POLR2M: variants seen among roughly 807,000 people sequenced by gnomAD.
POLR2M encodes the protein RNA polymerase II subunit M, also known as protein GRINL1A.
Under a neutral mutation model 34.6 loss-of-function variants are expected in POLR2M, and 30 were observed. The observed-to-expected ratio is 0.87, with a 90% CI of 0.65 to 1.18. The LOEUF (loss-of-function observed/expected upper bound fraction) is 1.18. Ranked by LOEUF, POLR2M falls within the 50% of genes most tolerant of loss-of-function variation. The pLI, the probability that POLR2M is intolerant of heterozygous loss-of-function variation, is 0.00. For missense variants in POLR2M, 432 were observed against 448.7 expected (o/e 0.96, Z 0.34); for synonymous variants, 150 against 166.7 (o/e 0.90, Z 0.77).
Position 57,717,087 on chromosome 15 carries a change from G to C in POLR2M, c.*2408G>C, listed in dbSNP as rs1269307197. On this transcript the variant is annotated 3_prime_UTR_variant, in exon 4 of 4. Coordinates refer to ENST00000299638, the MANE Select transcript of POLR2M (RefSeq NM_015532.5). ...TTTATTTCGAAGAATTTACCAATTG[G>C]TTCAGTATGTGAAACCACCATTTCC... is the stretch of plus-strand genomic sequence containing the variant. 6.6e-6 allele frequency: 1 copy of C among 152,090 alleles called. No individual in the cohort carries two copies. The highest frequency in any genetic ancestry group is 1.5e-5 in the Non-Finnish European group (1 of 67,990). The allele number at this position is 152,090 out of a possible 1,614,324, so 9.4% of individuals were successfully genotyped here. A position where few individuals can be genotyped will look rare whatever the true frequency, so the allele number is the denominator to read the frequency against.
In POLR2M at chr15:57,712,097, C is replaced by T. The variant is rs1323216977; in HGVS notation, c.872C>T (p.Ala291Val). Reference sequence around the variant, plus strand: ...CAGCATCTTGATGACATCACAGCAGCTCGGCTTCTACCACTTCACCATATG... The same window carrying T: ...CAGCATCTTGATGACATCACAGCAGTTCGGCTTCTACCACTTCACCATATG... ...DKQHLDDITA[A>V]RLLPLHHMPT... The change falls in exon 3 of 4, where the codon GCT becomes GTT. Residue 291 changes from alanine to valine, a missense_variant. Transcript: ENST00000299638. 3 of 1,614,126 alleles carry T rather than the reference C, an allele frequency of 1.9e-6. No homozygotes were observed. In the South Asian group the frequency reaches 3.3e-5, roughly 18 times the overall value.
chr15:57,707,457 T>C (rs28412380), intron 1 of POLR2M: 1 of 575,480 alleles, frequency 1.7e-6, no homozygotes, highest in Non-Finnish European at 3.3e-6. Context: ...AAAGTGATTT[T>C]GTTTTTTAGG....
chr15:57,707,660 A>G (rs2040549032), intron 1 of POLR2M: 1 of 387,666 alleles, frequency 2.6e-6, no homozygotes, highest in Admixed American at 3.2e-5. Flanking sequence ...TCCAATCTAT[A>G]TGGAAGACCA....
rs1277803271 is a variant in POLR2M, at chr15:57,714,906, A to G, written c.*227A>G. On this transcript the variant is annotated 3_prime_UTR_variant, in exon 4 of 4. Coordinates refer to ENST00000299638, the MANE Select transcript of POLR2M (RefSeq NM_015532.5). ...AACCACATGGTATTAAAATTTTGCA[A>G]TATATTGTGTATTGGTCTGATATTT... 9.2e-6 allele frequency: 6 copies of G among 649,020 alleles called. No individual in the cohort carries two copies. Among genetic ancestry groups the G allele is most frequent in the African/African-American group, 3.7e-5 (2 of 54,316 alleles). 40.2% of individuals were successfully genotyped at this position (649,020 alleles called of 1,614,324 possible).
chr15:57,713,468 C>T (rs1302973118), intron 3 of POLR2M, among the ~76,000 whole-genome samples: 2 of 151,934 alleles, frequency 1.3e-5, no homozygotes, highest in African/African-American at 2.4e-5. Flanking sequence ...GGTAATAGCT[C>T]CCACTTTTAC....
In POLR2M at chr15:57,714,734, C is replaced by G. The variant is rs183106279; in HGVS notation, c.*55C>G. ...ATGTCATCATCTTACATCAGACTTT[C>G]TAACTAGTATCAAGATCAGTGTCAG... On this transcript the variant is annotated 3_prime_UTR_variant, in exon 4 of 4. Transcript: ENST00000299638. The G allele has an allele frequency of 2.7e-5, 42 of 1,581,218 alleles. 1 individual carries two copies. The highest frequency in any genetic ancestry group is 1.6e-4 in the African/African-American group (12 of 73,164).
Position 57,712,190 on chromosome 15 carries a change from T to C in POLR2M, c.963+2T>C. 6.2e-7 allele frequency: 1 copy of C among 1,613,698 alleles called. No individual in the cohort carries two copies. ...AAACAGCAGAAACAGAATTATGAGG[T>C]ATTTAGAGTATTTTTTTTCTTGTCT... On this transcript the variant is annotated splice_donor_variant, in intron 3 of 3. Coordinates refer to ENST00000299638, the MANE Select transcript of POLR2M (RefSeq NM_015532.5). LOFTEE classifies it high-confidence loss of function.
chr15:57,707,075 C>T (rs1294496568), intron 1 of POLR2M, 120 bp downstream of exon 1: 8 of 1,551,460 alleles, frequency 5.2e-6, no homozygotes, highest in Non-Finnish European at 7.0e-6. Flanking sequence ...CAGTCACATT[C>T]GCTTCAGTCC....
chr15:57,707,488 T>G (rs1028578450), intron 1 of POLR2M: 9 of 517,566 alleles, frequency 1.7e-5, no homozygotes, highest in Admixed American at 9.0e-5. Flanking sequence ...CAGCAGCTTG[T>G]TGCAAAAGAT....
intron 2 of POLR2M, among the ~76,000 whole-genome samples, chr15:57,710,384 C>T (rs1256127678): frequency 3.3e-5 from 5 of 152,206 alleles, no homozygotes; most frequent in African/African-American, 1.2e-4. Flanking sequence ...TATGTAACAT[C>T]AAAGTTAAAT....
intron 3 of POLR2M, among the ~76,000 whole-genome samples, chr15:57,714,021 G>T (rs2040847375): frequency 6.6e-6 from 1 of 151,388 alleles, no homozygotes; most frequent in South Asian, 2.1e-4. Flanking sequence ...CTAATTTTTT[G>T]TATATTTAGT....
At chr15:57,707,013 GCTCCC>G in intron 1 of POLR2M, 58 bp downstream of exon 1, 1 of 1,552,076 alleles carries the variant, frequency 6.4e-7, no homozygotes, top group Non-Finnish European at 8.7e-7. Context: ...CTCCCTGGGC[GCTCCC>G]CTCCCCTCCC....
At chr15:57,707,759 A>T (rs1393083922) in intron 1 of POLR2M, among the ~76,000 whole-genome samples, 3 of 152,244 alleles carry the variant, frequency 2.0e-5, no homozygotes, top group African/African-American at 4.8e-5. Flanking sequence ...AGCAGGACAG[A>T]CATTTGGTTA....
In POLR2M at chr15:57,716,188, C is replaced by T. The variant is rs1413462614; in HGVS notation, c.*1509C>T. The T allele has an allele frequency of 1.3e-5, 2 of 152,234 alleles. No homozygotes were observed. Among genetic ancestry groups the T allele is most frequent in the Non-Finnish European group, 2.9e-5 (2 of 68,036 alleles). 9.4% of individuals were successfully genotyped at this position (152,234 alleles called of 1,614,324 possible). Reference sequence around the variant, plus strand: ...TTCTCAAAAATGAAATCATAATGTACATTGCTTTGTAGTCTGCTCTATATA... The same window carrying T: ...TTCTCAAAAATGAAATCATAATGTATATTGCTTTGTAGTCTGCTCTATATA... On this transcript the variant is annotated 3_prime_UTR_variant, in exon 4 of 4. Coordinates refer to ENST00000299638, the MANE Select transcript of POLR2M (RefSeq NM_015532.5).
rs1345156953 is a variant in POLR2M, at chr15:57,717,135, T to G, written c.*2456T>G. 2 of 152,220 alleles carry G rather than the reference T, an allele frequency of 1.3e-5. No homozygotes were observed. The highest frequency in any genetic ancestry group is 4.8e-5 in the African/African-American group (2 of 41,454). The allele number at this position is 152,220 out of a possible 1,614,324, so 9.4% of individuals were successfully genotyped here. ...TCCCCTCTGATTAGTAATGCTATTT[T>G]TATAGAATATTAAATTCTTATGTGT... is the stretch of plus-strand genomic sequence containing the variant. On this transcript the variant is annotated 3_prime_UTR_variant, in exon 4 of 4. Transcript: ENST00000299638.
chr15:57,707,028 C>T (rs775287071), intron 1 of POLR2M, 73 bp downstream of exon 1: 8 of 1,551,720 alleles, frequency 5.2e-6, no homozygotes, highest in Non-Finnish European at 7.0e-6. Context: ...CCTCCCCTCC[C>T]GCACTCTGTT....
chr15:57,716,763 G>A lies in POLR2M; in HGVS notation c.*2084G>A, dbSNP rs1320128891. The stretch of plus-strand genomic sequence containing the variant: ...GAATGTCCGTCCTTTGTCATATATT[G>A]TAACTTTTTTTAGCCTTATTTGTCA... On this transcript the variant is annotated 3_prime_UTR_variant, in exon 4 of 4. Transcript: ENST00000299638. 6 of 152,182 alleles carry A rather than the reference G, an allele frequency of 3.9e-5. No individual in the cohort carries two copies. Among genetic ancestry groups the A allele is most frequent in the Admixed American group, 3.9e-4 (6 of 15,276 alleles). The allele number at this position is 152,182 out of a possible 1,614,324, so 9.4% of individuals were successfully genotyped here. A position where few individuals can be genotyped will look rare whatever the true frequency, so the allele number is the denominator to read the frequency against.
intron 1 of POLR2M, chr15:57,707,186 C>A: frequency 6.8e-7 from 1 of 1,478,190 alleles, no homozygotes; most frequent in South Asian, 1.4e-5. Flanking sequence ...GGCTACCTGG[C>A]GTTGCAGGGA....
intron 3 of POLR2M, among the ~76,000 whole-genome samples, chr15:57,712,655 C>G (rs1451684497): frequency 6.6e-6 from 1 of 152,142 alleles, no homozygotes; most frequent in Non-Finnish European, 1.5e-5. Context: ...GTTGTGTAGC[C>G]AGCAGACAGT....
Sources: allele counts gnomAD v4.1 joint callset (sites outside exome capture counted in the v4.1 genomes callset), GRCh38; gene constraint gnomAD v4.1.1; transcripts MANE v1.5; gene names NCBI Gene and HGNC (gene_info 2026-07-23, HGNC 2026-07-21).